Variants in ADAMTS17 observed in about 807,000 individuals in gnomAD.
The protein encoded by ADAMTS17 is A disintegrin and metalloproteinase with thrombospondin motifs 17.
In ADAMTS17, 113 loss-of-function variants were observed where a neutral mutation model predicts 141.5. That is an observed-to-expected ratio of 0.80 (90% CI 0.69 to 0.93). ADAMTS17 has a LOEUF of 0.93. ADAMTS17 is among the 40% of genes least tolerant of loss of function. The pLI is 0.00. For synonymous variants in ADAMTS17, 768 were observed against 630.6 expected, an observed-to-expected ratio of 1.22 and a Z score of -3.27; for missense variants, 1,659 against 1,517.9, an observed-to-expected ratio of 1.09 and a Z score of -1.54.
At chr15:100,217,706 T>C (rs1176030234) in intron 7 of ADAMTS17, among the ~76,000 whole-genome samples, 3 of 152,198 alleles carry the variant, frequency 2.0e-5, no homozygotes, top group Non-Finnish European at 4.4e-5. Context: ...ACATCAAAGT[T>C]GAAATTTTTT....
intron 8 of ADAMTS17, among the ~76,000 whole-genome samples, chr15:100,188,395 A>T (rs1377828163): frequency 6.9e-6 from 1 of 145,966 alleles, no homozygotes; most frequent in Non-Finnish European, 1.5e-5. Flanking sequence ...CTGTCTCTTA[A>T]AAAAAAAAAA....
chr15:100,256,115 CA>C (rs2043318526), intron 6 of ADAMTS17, among the ~76,000 whole-genome samples: 1 of 152,246 alleles, frequency 6.6e-6, no homozygotes, highest in Admixed American at 6.5e-5. Context: ...CATTCATTAT[CA>C]GGGGCACTCA....
At chr15:100,027,645 C>T (rs1462195865) in intron 18 of ADAMTS17, among the ~76,000 whole-genome samples, 4 of 152,200 alleles carry the variant, frequency 2.6e-5, no homozygotes, top group African/African-American at 9.7e-5. Context: ...GCTTGTAAAG[C>T]CTAAAATATT....
chr15:100,136,085 G>C (rs1020325404), intron 10 of ADAMTS17, among the ~76,000 whole-genome samples: 1 of 152,096 alleles, frequency 6.6e-6, no homozygotes, highest in African/African-American at 2.4e-5. Context: ...AGTATATAAC[G>C]CAAAAAATGT....
At chr15:100,132,478 T>A (rs751272661) in intron 11 of ADAMTS17, among the ~76,000 whole-genome samples, 81 of 152,166 alleles carry the variant, frequency 5.3e-4, no homozygotes, top group Non-Finnish European at 8.7e-4. Context: ...TTGACGTGAG[T>A]GCGTTTCTCG....
chr15:100,240,064 T>G (rs1367562544), intron 7 of ADAMTS17, among the ~76,000 whole-genome samples: 1 of 152,184 alleles, frequency 6.6e-6, no homozygotes, highest in East Asian at 1.9e-4. Flanking sequence ...CTGCTCCACG[T>G]GTACCGGGAT....
At chr15:100,031,605 A>G (rs183691239) in intron 18 of ADAMTS17, among the ~76,000 whole-genome samples, 1 of 152,364 alleles carries the variant, frequency 6.6e-6, no homozygotes, top group African/African-American at 2.4e-5. Flanking sequence ...CAGACCAGAC[A>G]TCTGTCCCCT....
intron 8 of ADAMTS17, among the ~76,000 whole-genome samples, chr15:100,170,776 A>G (rs1433187094): frequency 6.6e-6 from 1 of 152,166 alleles, no homozygotes; most frequent in East Asian, 1.9e-4. Flanking sequence ...TTCCACCTAC[A>G]CTTAGCAACT....
rs763885807 is a variant in ADAMTS17 at position 100,133,243 on chromosome 15, G to A, written c.1546C>T (p.Leu516=). ...TCTGCCCCACACTCGGTGCCATCCAGGGGAGGGTCCAGCTTGGTCTTGCAG... is the reference window on the plus strand; with the variant it reads ...TCTGCCCCACACTCGGTGCCATCCAAGGGAGGGTCCAGCTTGGTCTTGCAG... ...TSCKTKLDPP[L]DGTECGADKW... The change falls in exon 11 of 22, where the codon CTG becomes TTG. Residue 516 remains leucine (L), a synonymous_variant. Transcript: ENST00000268070. The A allele has an allele frequency of 6.3e-6, 10 of 1,598,804 alleles. No homozygotes were observed. In the South Asian group the frequency reaches 1.1e-4, roughly 18 times the overall value.
At chr15:100,262,235 C>T (rs2043546787) in intron 5 of ADAMTS17, 117 bp downstream of exon 5, 1 of 916,230 alleles carries the variant, frequency 1.1e-6, no homozygotes, top group African/African-American at 1.7e-5. Flanking sequence ...GGCAAAGCCA[C>T]AGAGAGTGAC....
chr15:99,997,660 CGGA>C lies in ADAMTS17; in HGVS notation c.2592-74_2592-72del, dbSNP rs1318631605. ...CAGCCTCTCCGGAGGGCCTTCCGGCCGGATCCTGGAATTGCTGCCCTGTGGTGG... is the reference window on the plus strand; with the variant it reads ...CAGCCTCTCCGGAGGGCCTTCCGGCCTCCTGGAATTGCTGCCCTGTGGTGG... On this transcript the variant is annotated intron_variant, in intron 18 of 21. Coordinates refer to ENST00000268070, the MANE Select transcript of ADAMTS17 (RefSeq NM_139057.4). The surrounding 1 kb of genome is among the most constrained non-coding windows in gnomAD (Gnocchi z 4.7). 6.3e-7 allele frequency: 1 copy of C among 1,593,956 alleles called. No individual in the cohort carries two copies. Among genetic ancestry groups the C allele is most frequent in the Non-Finnish European group, 8.6e-7 (1 of 1,166,770 alleles).
At position 99,980,845 on chromosome 15, in the gene ADAMTS17, TGTCCCCTCTGAAAGGTCTTA is replaced by T. The variant is rs1330775578; in HGVS notation, c.2950-4643_2950-4624del. 12 of 152,372 alleles carry T rather than the reference TGTCCCCTCTGAAAGGTCTTA, an allele frequency of 7.9e-5. No homozygotes were observed. In the East Asian group the frequency reaches 2.3e-3, roughly 29 times the overall value. 9.4% of individuals were successfully genotyped at this position (152,372 alleles called of 1,614,324 possible). A position where few individuals can be genotyped will look rare whatever the true frequency, so the allele number is the denominator to read the frequency against. On this transcript the variant is annotated intron_variant, in intron 20 of 21. Transcript: ENST00000268070. ...GGCATTTGAGGTGACCTTGCAGACG[TGTCCCCTCTGAAAGGTCTTA>T]GTCTTGTGCAGCCTGCTCTGGGGCC... is the stretch of plus-strand genomic sequence containing the variant.
At chr15:100,107,462 TC>T (rs2062610686) in intron 14 of ADAMTS17, among the ~76,000 whole-genome samples, 1 of 152,068 alleles carries the variant, frequency 6.6e-6, no homozygotes, top group South Asian at 2.1e-4. Flanking sequence ...GGGAACGTGG[TC>T]ATAGGATGAC....
intron 14 of ADAMTS17, among the ~76,000 whole-genome samples, chr15:100,107,831 T>C (rs2036500943): frequency 1.3e-5 from 2 of 152,208 alleles, no homozygotes; most frequent in Admixed American, 6.5e-5. Flanking sequence ...CAGTTGTTCA[T>C]AAGCTGCCTG....
intron 15 of ADAMTS17, among the ~76,000 whole-genome samples, chr15:100,080,953 T>G (rs971396138): frequency 1.3e-5 from 2 of 152,208 alleles, no homozygotes; most frequent in Admixed American, 1.3e-4. Flanking sequence ...TGGGTTCAAG[T>G]TGACTTGGGG....
chr15:100,155,173 G>A lies in ADAMTS17; in HGVS notation c.1322+7C>T. 1.2e-6 allele frequency: 2 copies of A among 1,614,186 alleles called. No individual in the cohort carries two copies. The highest frequency in any genetic ancestry group is 1.1e-5 in the South Asian group (1 of 91,070). ...CATTCATCCTATAGAATAATTCCAG[G>A]ACTTACTTGAGGAAGTTTTCAAGGT... On this transcript the variant is annotated splice_region_variant and intron_variant, in intron 9 of 21. Coordinates refer to ENST00000268070, the MANE Select transcript of ADAMTS17 (RefSeq NM_139057.4).
chr15:100,161,473 G>C (rs2039690888), intron 8 of ADAMTS17, among the ~76,000 whole-genome samples: 1 of 152,182 alleles, frequency 6.6e-6, no homozygotes, highest in Non-Finnish European at 1.5e-5. Flanking sequence ...CCTCTCCATG[G>C]AAGGCTGACT....
rs1299411002 is a variant in ADAMTS17, at chr15:100,127,519, C to CCGCT, written c.1721+4484_1721+4487dup. Among the ~76,000 whole-genome samples, 6 of 152,284 alleles carry CCGCT rather than the reference C, an allele frequency of 3.9e-5. No homozygotes were observed. In the South Asian group the frequency reaches 1.0e-3, roughly 26 times the overall value. ...AGAACTGGGCTCCAAACGTGGCCTG[C>CCGCT]CGCTGCCTCGTGTGTGACGTTGGGC... On this transcript the variant is annotated intron_variant, in intron 12 of 21. Coordinates refer to ENST00000268070, the MANE Select transcript of ADAMTS17 (RefSeq NM_139057.4).
chr15:100,067,597 A>T (rs73474463), intron 15 of ADAMTS17, among the ~76,000 whole-genome samples: 6,311 of 152,096 alleles, frequency 0.041, 453 homozygotes, highest in African/African-American at 0.14. Context: ...TTTTCTTTTG[A>T]ACATCAGAGT....
Sources: gnomAD v4.1 joint callset for allele counts (sites outside exome capture counted in the v4.1 genomes callset) on GRCh38, gnomAD v4.1.1 for gene constraint, Gnocchi (gnomAD v3.1) non-coding constraint, MANE v1.5 for transcripts, NCBI Gene and HGNC (gene_info 2026-07-23, HGNC 2026-07-21) for gene names.